The following MEI4 variants were observed in gnomAD, a reference collection of about 807,000 sequenced individuals.
The protein encoded by MEI4 is meiotic double-stranded break formation protein 4.
In MEI4, 27 loss-of-function variants were observed where a neutral mutation model predicts 31.4. The ratio of observed to expected loss-of-function variants is 0.86; its 90% CI spans 0.63 to 1.19. MEI4 has a LOEUF of 1.19. MEI4 is among the 50% of genes most tolerant of loss of function. The pLI is 0.00. For synonymous variants in MEI4, 122 were observed against 145.4 expected (o/e 0.84, Z 1.16); for missense variants, 329 against 398.9 (o/e 0.82, Z 1.49).
chr6:77,806,614 TA>T (rs1162908263), intron 3 of MEI4, among the ~76,000 whole-genome samples: 5 of 152,230 alleles, frequency 3.3e-5, no homozygotes, highest in South Asian at 4.1e-4. Flanking sequence ...CATGGTGATG[TA>T]AAAAATAAAA....
chr6:77,656,833 C>G (rs1768406655), intron 1 of MEI4, among the ~76,000 whole-genome samples: 1 of 150,602 alleles, frequency 6.6e-6, no homozygotes, highest in Non-Finnish European at 1.5e-5. Context: ...CATCATCCAT[C>G]ATTTATTTGA....
intron 3 of MEI4, among the ~76,000 whole-genome samples, chr6:77,790,046 A>C (rs1159578487): frequency 1.3e-5 from 2 of 152,098 alleles, no homozygotes; most frequent in African/African-American, 4.8e-5. Context: ...AAAATGTGGC[A>C]CATATACACC....
rs57926005 is a variant in MEI4, at chr6:77,817,458, T to C, written c.769-11473T>C. On this transcript the variant is annotated intron_variant, in intron 3 of 4. Coordinates refer to ENST00000684080, the MANE Select transcript of MEI4 (RefSeq NM_001322247.2). Reference sequence around the variant, plus strand: ...AAACTTTTGCTGACCTAAGTTCTGATTATCATTGATGATTAGTTGGGTCGT... The same window carrying C: ...AAACTTTTGCTGACCTAAGTTCTGACTATCATTGATGATTAGTTGGGTCGT... Among the ~76,000 whole-genome samples the C allele has an allele frequency of 7.8e-3, 1,190 of 152,230 alleles. 18 individuals are homozygous for C. Among genetic ancestry groups the C allele is most frequent in the African/African-American group, 0.027 (1,142 of 41,548 alleles).
intron 3 of MEI4, among the ~76,000 whole-genome samples, chr6:77,802,658 C>G (rs1769300571): frequency 6.6e-6 from 1 of 152,128 alleles, no homozygotes; most frequent in South Asian, 2.1e-4. Flanking sequence ...TCTTTTAGGA[C>G]AGGCCTGGTG....
intron 3 of MEI4, among the ~76,000 whole-genome samples, chr6:77,800,738 T>A (rs1055568527): frequency 6.6e-6 from 1 of 152,232 alleles, no homozygotes; most frequent in Non-Finnish European, 1.5e-5. Flanking sequence ...TTTCTGCATC[T>A]ATTGAGATAA....
chr6:77,766,027 C>T (rs919791412), intron 3 of MEI4, among the ~76,000 whole-genome samples: 1 of 152,170 alleles, frequency 6.6e-6, no homozygotes, highest in Non-Finnish European at 1.5e-5. Flanking sequence ...ATTTTCTAAG[C>T]AGCAGCTCTT....
chr6:77,820,273 G>T lies in MEI4; in HGVS notation c.769-8658G>T, dbSNP rs1478567426. On this transcript the variant is annotated intron_variant, in intron 3 of 4. Transcript: ENST00000684080. This position sits in a 1 kb window ranked among gnomAD's most constrained non-coding sequence, Gnocchi z 4.5. The stretch of plus-strand genomic sequence containing the variant: ...GTTTTTGTTTTTGTTTTTGGAGATG[G>T]AGTCTCACTCTGTTGCCCAGGCTGG... Among the ~76,000 whole-genome samples the T allele has an allele frequency of 6.6e-6, 1 of 152,034 alleles. No individual in the cohort carries two copies. Among genetic ancestry groups the T allele is most frequent in the East Asian group, 1.9e-4 (1 of 5,172 alleles).
chr6:77,868,768 C>T (rs1263276098), intron 4 of MEI4, among the ~76,000 whole-genome samples: 2 of 151,742 alleles, frequency 1.3e-5, no homozygotes, highest in Non-Finnish European at 2.9e-5. Context: ...AAGAATGAAC[C>T]TAGGATACAT....
chr6:77,661,261 A>G (rs567784425), intron 1 of MEI4, among the ~76,000 whole-genome samples: 4 of 152,248 alleles, frequency 2.6e-5, no homozygotes, highest in Admixed American at 2.6e-4. Flanking sequence ...GGATATGAAG[A>G]TTCCACTGAA....
In MEI4 at chr6:77,761,032, T is replaced by C. The variant is rs144432956; in HGVS notation, c.233-98T>C. 322 of 807,902 alleles carry C rather than the reference T, an allele frequency of 4.0e-4. 2 individuals carry two copies. In the African/African-American group the frequency reaches 4.3e-3, roughly 11 times the overall value. The allele number at this position is 807,902 out of a possible 1,614,324, so 50.0% of individuals were successfully genotyped here. ...GTTAAATGCTTAATGTGTATTTATA[T>C]ACTTCATTTCTTATTTTAAGATAAG... is the stretch of plus-strand genomic sequence containing the variant. On this transcript the variant is annotated intron_variant, in intron 2 of 4. Transcript: ENST00000684080.
intron 1 of MEI4, among the ~76,000 whole-genome samples, chr6:77,674,169 G>T (rs890622137): frequency 1.3e-5 from 2 of 151,960 alleles, no homozygotes; most frequent in African/African-American, 4.8e-5. Flanking sequence ...AGTGGGGTTG[G>T]GCTTGACTAT....
chr6:77,859,690 A>G (rs1770824043), intron 4 of MEI4, among the ~76,000 whole-genome samples: 1 of 151,934 alleles, frequency 6.6e-6, no homozygotes, highest in Non-Finnish European at 1.5e-5. Flanking sequence ...TGTTCATATC[A>G]GAAAGGATTC....
rs147901026 is a variant in MEI4, at chr6:77,895,449, C to T, written c.901-27640C>T. On this transcript the variant is annotated intron_variant, in intron 4 of 4. Coordinates refer to ENST00000684080, the MANE Select transcript of MEI4 (RefSeq NM_001322247.2). ...GCCAAACAGACATTTTTTCCTATAC[C>T]GACAACAATTTTCAAGTCACCTCTC... Among the ~76,000 whole-genome samples the T allele has an allele frequency of 3.5e-3, 530 of 152,086 alleles. 2 individuals carry two copies. The highest frequency in any genetic ancestry group is 0.012 in the African/African-American group (508 of 41,516).
At chr6:77,844,604 G>A (rs1169702916) in intron 4 of MEI4, among the ~76,000 whole-genome samples, 1 of 152,092 alleles carries the variant, frequency 6.6e-6, no homozygotes, top group Non-Finnish European at 1.5e-5. Flanking sequence ...AACATTAAAT[G>A]AATATTCAGA....
At chr6:77,877,647 G>GTC (rs1183349607) in intron 4 of MEI4, among the ~76,000 whole-genome samples, 3 of 150,606 alleles carry the variant, frequency 2.0e-5, no homozygotes, top group East Asian at 3.9e-4. Flanking sequence ...TTGAAATTGT[G>GTC]TCTCTCTCCC....
At chr6:77,682,678 T>A (rs1768980852) in intron 1 of MEI4, among the ~76,000 whole-genome samples, 1 of 152,184 alleles carries the variant, frequency 6.6e-6, no homozygotes, top group South Asian at 2.1e-4. Context: ...GATGTATTCA[T>A]TCATTCATTT....
rs1766852245 is a variant in MEI4 at position 77,926,714 on chromosome 6, CT to C, written c.*3369del. 6.6e-6 allele frequency: 1 copy of C among 151,862 alleles called. No individual in the cohort carries two copies. Among genetic ancestry groups the C allele is most frequent in the Non-Finnish European group, 1.5e-5 (1 of 67,920 alleles). The allele number at this position is 151,862 out of a possible 1,614,324, so 9.4% of individuals were successfully genotyped here. ...TCATCAAATATGAAGCACCAATTGT[CT>C]ACAAACCAATTATTTGCAAAAATAA... is the stretch of plus-strand genomic sequence containing the variant. On this transcript the variant is annotated 3_prime_UTR_variant, in exon 5 of 5. Coordinates refer to ENST00000684080, the MANE Select transcript of MEI4 (RefSeq NM_001322247.2).
intron 2 of MEI4, among the ~76,000 whole-genome samples, chr6:77,699,596 G>A (rs540186461): frequency 1.5e-3 from 230 of 152,266 alleles, no homozygotes; most frequent in African/African-American, 5.0e-3. Context: ...GTCATTCTCT[G>A]TCCAGCTTTG....
intron 3 of MEI4, among the ~76,000 whole-genome samples, chr6:77,763,976 G>A (rs957873694): frequency 6.6e-6 from 1 of 152,078 alleles, no homozygotes; most frequent in Non-Finnish European, 1.5e-5. Context: ...ACCATGCCCA[G>A]CTAATTTTTG....
Sources: gnomAD v4.1 joint callset for allele counts (sites outside exome capture counted in the v4.1 genomes callset) on GRCh38, gnomAD v4.1.1 for gene constraint, Gnocchi (gnomAD v3.1) non-coding constraint, MANE v1.5 for transcripts, NCBI Gene and HGNC (gene_info 2026-07-23, HGNC 2026-07-21) for gene names.